TENM1: variants seen among roughly 807,000 people sequenced by gnomAD.
The protein encoded by TENM1 is teneurin transmembrane protein 1, also known as teneurin-1.
Under a neutral mutation model 174.8 loss-of-function variants are expected in TENM1, and 35 were observed. The observed-to-expected ratio is 0.20, with a 90% CI of 0.15 to 0.27. The LOEUF (loss-of-function observed/expected upper bound fraction) is 0.27. Among genes scored for constraint, TENM1 ranks in the 10% least tolerant of loss-of-function variants. The probability of loss-of-function intolerance (pLI) is 1.00; values close to 1 mark genes in which losing one functional copy is unlikely to be tolerated. For synonymous variants in TENM1, 781 were observed against 798.7 expected, an observed-to-expected ratio of 0.98 and a Z score of 0.37; for missense variants, 1,633 against 2,130.1, an observed-to-expected ratio of 0.77 and a Z score of 4.59.
chrX:124,685,021 C>T (rs1306156140), intron 5 of TENM1, among the ~76,000 whole-genome samples: 1 of 110,943 alleles, frequency 9.0e-6, no homozygotes. Flanking sequence ...GACAAGCTGA[C>T]AGGTGAAGAG....
At chrX:124,689,164 C>T (rs1381805282) in intron 5 of TENM1, among the ~76,000 whole-genome samples, 1 of 111,478 alleles carries the variant, frequency 9.0e-6, no homozygotes, top group South Asian at 3.7e-4. Context: ...TTCAGAGGAA[C>T]GAACACCCTC....
chrX:124,719,484 C>T (rs1374831617), intron 4 of TENM1, among the ~76,000 whole-genome samples: 1 of 111,563 alleles, frequency 9.0e-6, no homozygotes, highest in East Asian at 2.8e-4. Flanking sequence ...ATTGAAACAA[C>T]ATTAACTCCT....
chrX:124,477,862 T>C (rs1305902160), intron 22 of TENM1, among the ~76,000 whole-genome samples: 3 of 112,058 alleles, frequency 2.7e-5, no homozygotes, highest in Non-Finnish European at 5.6e-5. Context: ...GTAAATTTCT[T>C]TTTTAAAAAA....
intron 3 of TENM1, among the ~76,000 whole-genome samples, chrX:124,792,489 C>A (rs1367684344): frequency 2.3e-4 from 26 of 112,058 alleles, no homozygotes; most frequent in Non-Finnish European, 4.5e-4. Flanking sequence ...TTCCAAGGGA[C>A]AGACTTTGAC....
intron 18 of TENM1, among the ~76,000 whole-genome samples, chrX:124,510,562 G>A (rs766474312): frequency 1.4e-4 from 16 of 111,539 alleles, no homozygotes; most frequent in African/African-American, 3.9e-4. Flanking sequence ...GCATACCTCC[G>A]TAGTCCCCTC....
At chrX:124,726,533 T>C (rs1018041413) in intron 4 of TENM1, among the ~76,000 whole-genome samples, 4 of 112,350 alleles carry the variant, frequency 3.6e-5, no homozygotes, top group Admixed American at 9.4e-5. Context: ...ATAGATTAGT[T>C]CTACAGCGTC....
chrX:124,664,532 G>GAAAAAAAAAA (rs779501054), intron 6 of TENM1, among the ~76,000 whole-genome samples: 68 of 29,254 alleles, frequency 2.3e-3, no homozygotes, highest in Admixed American at 3.0e-3. Context: ...TAAAGCAAAA[G>GAAAAAAAAAA]AAAAAAAAAA....
chrX:124,576,437 GT>G (rs72274714), intron 11 of TENM1, among the ~76,000 whole-genome samples: 26,434 of 110,478 alleles, frequency 0.24, 2,427 homozygotes, highest in South Asian at 0.4. Context: ...GGCAGAGTTT[GT>G]TTTTGGTTTA....
In TENM1 at chrX:124,406,183, C is replaced by G. The variant is rs763404864; in HGVS notation, c.5155+134G>C. ...GTGAATTTTGTCTGTGTTTCAACTT[C>G]CATAGCTGGAAAACAGGAAGAGTAC... On this transcript the variant is annotated intron_variant, in intron 26 of 31. Coordinates refer to ENST00000422452, the Ensembl canonical transcript of TENM1. 3.9e-5 allele frequency: 20 copies of G among 517,378 alleles called. No individual in the cohort carries two copies. In the South Asian group the frequency reaches 7.7e-4, roughly 20 times the overall value. 42.6% of individuals were successfully genotyped at this position (517,378 alleles called of 1,213,427 possible).
the TENM1 span, among the ~76,000 whole-genome samples, chrX:125,186,869 T>C: frequency 8.9e-6 from 1 of 112,308 alleles, no homozygotes; most frequent in African/African-American, 3.2e-5. Context: ...TATTATATAA[T>C]GATCCCTACT....
intron 3 of TENM1, among the ~76,000 whole-genome samples, chrX:124,841,477 G>A (rs752439614): frequency 4.5e-5 from 5 of 111,189 alleles, no homozygotes; most frequent in Non-Finnish European, 7.5e-5. Flanking sequence ...AAAACAAGGC[G>A]CAGAGGAGTA....
chrX:124,855,212 G>T (rs925318928), intron 3 of TENM1, among the ~76,000 whole-genome samples: 1 of 111,715 alleles, frequency 9.0e-6, no homozygotes, highest in African/African-American at 3.2e-5. Flanking sequence ...AAGCTTTTAT[G>T]TATTTACTTT....
chrX:124,916,838 C>A (rs775791416), intron 1 of TENM1, among the ~76,000 whole-genome samples: 4 of 109,023 alleles, frequency 3.7e-5, no homozygotes, highest in African/African-American at 1.3e-4. Context: ...TGCCCTTCTG[C>A]CATGTGATGA....
intron 11 of TENM1, among the ~76,000 whole-genome samples, chrX:124,637,377 C>A (rs772759772): frequency 9.0e-6 from 1 of 110,772 alleles, no homozygotes; most frequent in Non-Finnish European, 1.9e-5. Flanking sequence ...TGTGAGCCAC[C>A]GCGCCTGGCC....
At chrX:125,044,569 G>A in the TENM1 span, among the ~76,000 whole-genome samples, 13 of 110,806 alleles carry the variant, frequency 1.2e-4, no homozygotes, top group Non-Finnish European at 1.7e-4. Context: ...CAGTCTGGGC[G>A]ACAGATTGAG....
At chrX:124,484,918 T>C (rs918295598) in intron 21 of TENM1, among the ~76,000 whole-genome samples, 1 of 111,567 alleles carries the variant, frequency 9.0e-6, no homozygotes. Flanking sequence ...ATCTCTCTAT[T>C]CTCAGTGCCA....
At chrX:125,086,577 A>C in the TENM1 span, among the ~76,000 whole-genome samples, 1 of 111,233 alleles carries the variant, frequency 9.0e-6, no homozygotes, top group Non-Finnish European at 1.9e-5. Context: ...TTTACAGATT[A>C]TTTATTTTAA....
chrX:124,776,486 CTGATT>C (rs2054787389), intron 3 of TENM1, among the ~76,000 whole-genome samples: 1 of 111,731 alleles, frequency 9.0e-6, no homozygotes, highest in African/African-American at 3.2e-5. Flanking sequence ...GGTAGAGATA[CTGATT>C]TAATTTTAGA....
chrX:125,133,895 C>A, the TENM1 span, among the ~76,000 whole-genome samples: 4 of 111,819 alleles, frequency 3.6e-5, no homozygotes, highest in South Asian at 3.7e-4. Flanking sequence ...ATCCAAGGTG[C>A]CTTTCTGAAA....
Sources: allele counts gnomAD v4.1 joint callset (sites outside exome capture counted in the v4.1 genomes callset), GRCh38; gene constraint gnomAD v4.1.1; transcripts MANE v1.5; gene names NCBI Gene and HGNC (gene_info 2026-07-23, HGNC 2026-07-21).